Variants in ASTN2 observed in about 807,000 individuals in gnomAD.
The protein encoded by ASTN2 is astrotactin-2.
ASTN2 carries 54 observed loss-of-function variants against 139.8 expected under a neutral mutation model. The observed-to-expected ratio is 0.39, with a 90% CI of 0.31 to 0.48. The LOEUF is 0.48. Among genes scored for constraint, ASTN2 ranks in the 20% least tolerant of loss-of-function variants. The pLI is 0.95. For synonymous variants in ASTN2, 756 were observed against 719.5 expected (o/e 1.05, Z -0.81); for missense variants, 1,565 against 1,725.1 (o/e 0.91, Z 1.64).
intron 1 of ASTN2, among the ~76,000 whole-genome samples, chr9:117,383,562 G>A (rs1830323212): frequency 6.6e-6 from 1 of 152,148 alleles, no homozygotes; most frequent in Non-Finnish European, 1.5e-5. Context: ...GAGAATGGCT[G>A]CCTGGAAGAG....
intron 5 of ASTN2, among the ~76,000 whole-genome samples, chr9:117,048,618 A>G (rs748991289): frequency 2.6e-5 from 4 of 152,240 alleles, no homozygotes; most frequent in Non-Finnish European, 5.9e-5. Context: ...TGCAAAGGTC[A>G]CTACAAGGTG....
intron 19 of ASTN2, among the ~76,000 whole-genome samples, chr9:116,501,858 A>T (rs572240857): frequency 5.0e-4 from 76 of 151,784 alleles, no homozygotes; most frequent in African/African-American, 1.3e-3. Flanking sequence ...ATAATAATAA[A>T]AAAAAAAAAC....
At chr9:116,968,080 A>G (rs191553689) in intron 10 of ASTN2, among the ~76,000 whole-genome samples, 4 of 152,314 alleles carry the variant, frequency 2.6e-5, no homozygotes, top group African/African-American at 9.6e-5. Context: ...TATACACATT[A>G]TGTTATCCTA....
intron 20 of ASTN2, among the ~76,000 whole-genome samples, chr9:116,455,002 C>T (rs1391115836): frequency 2.6e-5 from 4 of 151,310 alleles, no homozygotes; most frequent in Non-Finnish European, 1.5e-5. Context: ...CAAACCTGCA[C>T]ATTGTGCACA....
At chr9:117,407,204 G>A (rs546904776) in intron 1 of ASTN2, among the ~76,000 whole-genome samples, 1 of 152,190 alleles carries the variant, frequency 6.6e-6, no homozygotes, top group Non-Finnish European at 1.5e-5. Context: ...AGGGTTCTTA[G>A]TAAAGGACAA....
chr9:117,330,526 C>T (rs150040236), intron 1 of ASTN2, among the ~76,000 whole-genome samples: 21 of 152,222 alleles, frequency 1.4e-4, no homozygotes, highest in Admixed American at 9.8e-4. Context: ...TCCTCCATCC[C>T]GACTTCAACA....
chr9:116,962,403 C>G (rs1417108607), intron 10 of ASTN2, among the ~76,000 whole-genome samples: 1 of 152,170 alleles, frequency 6.6e-6, no homozygotes, highest in Non-Finnish European at 1.5e-5. Context: ...TCAAAAGATG[C>G]CCCATAGGAA....
intron 10 of ASTN2, among the ~76,000 whole-genome samples, chr9:116,902,732 G>A (rs1834046471): frequency 6.6e-6 from 1 of 152,076 alleles, no homozygotes; most frequent in Non-Finnish European, 1.5e-5. Context: ...TTTTTCTAGA[G>A]AACCCTGATT....
chr9:117,024,632 G>A (rs574135410), intron 6 of ASTN2, among the ~76,000 whole-genome samples: 1 of 152,130 alleles, frequency 6.6e-6, no homozygotes, highest in South Asian at 2.1e-4. Context: ...AGGAAGCTTT[G>A]GGCACACAGA....
At chr9:116,762,892 T>C (rs1829709704) in intron 13 of ASTN2, among the ~76,000 whole-genome samples, 1 of 152,234 alleles carries the variant, frequency 6.6e-6, no homozygotes, top group South Asian at 2.1e-4. Flanking sequence ...TATTGACTTA[T>C]TTGATTGTTG....
At chr9:116,858,896 G>A (rs189330543) in intron 11 of ASTN2, among the ~76,000 whole-genome samples, 1 of 152,188 alleles carries the variant, frequency 6.6e-6, no homozygotes, top group East Asian at 1.9e-4. Context: ...TGCAATTGGT[G>A]GTTTAAAGTA....
chr9:116,872,192 GA>G, intron 10 of ASTN2, among the ~76,000 whole-genome samples: 1 of 151,568 alleles, frequency 6.6e-6, no homozygotes, highest in Non-Finnish European at 1.5e-5. Context: ...TTGAACTTCT[GA>G]CCTCAGGTAA....
intron 1 of ASTN2, among the ~76,000 whole-genome samples, chr9:117,297,800 C>T (rs1834773596): frequency 6.6e-6 from 1 of 152,236 alleles, no homozygotes; most frequent in South Asian, 2.1e-4. Flanking sequence ...ACTGCCAATG[C>T]ACAACCTAGG....
intron 6 of ASTN2, among the ~76,000 whole-genome samples, chr9:117,026,419 G>C (rs755957340): frequency 2.9e-4 from 44 of 152,188 alleles, no homozygotes; most frequent in Admixed American, 1.4e-3. Flanking sequence ...TTCTTACAAG[G>C]CTTCCTCAAC....
At chr9:116,817,759 A>C (rs1588318180) in intron 12 of ASTN2, among the ~76,000 whole-genome samples, 1 of 152,350 alleles carries the variant, frequency 6.6e-6, no homozygotes, top group East Asian at 1.9e-4. Context: ...TTATTAGACT[A>C]ATTATAATTA....
At chr9:116,472,153 A>G (rs2119013746) in intron 20 of ASTN2, among the ~76,000 whole-genome samples, 1 of 152,188 alleles carries the variant, frequency 6.6e-6, no homozygotes, top group African/African-American at 2.4e-5. Context: ...GCTCCTCCTT[A>G]GCACACGTTA....
chr9:116,918,311 G>C (rs1374188897), intron 10 of ASTN2, among the ~76,000 whole-genome samples: 1 of 152,166 alleles, frequency 6.6e-6, no homozygotes, highest in East Asian at 1.9e-4. Flanking sequence ...AGGGCTTTCT[G>C]CAGGTGACTA....
chr9:116,781,909 A>G (rs898829955), intron 13 of ASTN2, among the ~76,000 whole-genome samples: 7 of 151,962 alleles, frequency 4.6e-5, no homozygotes, highest in Admixed American at 2.6e-4. Flanking sequence ...CAACAAGCAG[A>G]GGAACTGGAT....
At chr9:117,291,547 G>A (rs374472111) in intron 1 of ASTN2, 34 bp from the exon 2 acceptor site, 124 of 1,546,702 alleles carry the variant, frequency 8.0e-5, no homozygotes, top group South Asian at 1.7e-4. Context: ...TGGGTGAGCC[G>A]TACGCCTGGC....
Sources: gnomAD v4.1 joint callset for allele counts (sites outside exome capture counted in the v4.1 genomes callset) on GRCh38, gnomAD v4.1.1 for gene constraint, MANE v1.5 for transcripts, NCBI Gene and HGNC (gene_info 2026-07-23, HGNC 2026-07-21) for gene names.